The following UROC1 variants were observed in gnomAD, a reference collection of about 807,000 sequenced individuals.
UROC1 encodes urocanate hydratase.
A neutral mutation model predicts 89.5 loss-of-function variants in UROC1; 79 were observed. That is an observed-to-expected ratio of 0.88 (90% confidence interval 0.74 to 1.06). The LOEUF (loss-of-function observed/expected upper bound fraction) is 1.06, where lower values mean the gene tolerates loss of function less well. Among genes scored for constraint, UROC1 ranks in the 50% least tolerant of loss-of-function variants. The pLI is 0.00. For synonymous variants in UROC1, 361 were observed against 354.8 expected (o/e 1.02, Z -0.20); for missense variants, 885 against 907.8 (o/e 0.97, Z 0.32).
At chr3:126,498,245 C>T in intron 13 of UROC1, 73 bp from the exon 14 acceptor site, 1 of 1,610,976 alleles carries the variant, frequency 6.2e-7, no homozygotes, top group Non-Finnish European at 8.5e-7. Flanking sequence ...GTGAGCATGC[C>T]AGGGAGGAGG....
At chr3:126,509,370 A>T (rs1020591842) in intron 3 of UROC1, among the ~76,000 whole-genome samples, 1 of 152,172 alleles carries the variant, frequency 6.6e-6, no homozygotes, top group African/African-American at 2.4e-5. Context: ...TGTCCACTGC[A>T]GCCACAGTGA....
chr3:126,501,357 G>C (rs372215734), intron 9 of UROC1, 77 bp from the exon 10 acceptor site: 2 of 1,549,268 alleles, frequency 1.3e-6, no homozygotes, highest in African/African-American at 2.7e-5. Flanking sequence ...CACCCCAGCT[G>C]CACACAGGGG....
intron 13 of UROC1, 29 bp from the exon 14 acceptor site, chr3:126,498,201 G>A: frequency 6.2e-7 from 1 of 1,613,832 alleles, no homozygotes; most frequent in African/African-American, 1.3e-5. Flanking sequence ...CCTCACCCTG[G>A]GCCCGCTGGC....
In UROC1 at chr3:126,501,234, T is replaced by G. The variant is rs1212646798; in HGVS notation, c.949A>C (p.Asn317His). 1.2e-6 allele frequency: 2 copies of G among 1,614,048 alleles called. No individual in the cohort carries two copies. The highest frequency in any genetic ancestry group is 4.5e-5 in the East Asian group (2 of 44,892). ...CCCACTCACCAAAGAGCCACCACGTTGCCATGGTAACCAAGGCTGAGCACC... is the reference window on the plus strand; with the variant it reads ...CCCACTCACCAAAGAGCCACCACGTGGCCATGGTAACCAAGGCTGAGCACC... ...KEVLSLGYHG[N>H]VVALWERLVH... Residue 317 changes from asparagine (N) to histidine (H), a missense_variant, in exon 10 of 20, where the codon AAC becomes CAC. Physicochemically the swap from Asn to His is moderately conservative, Grantham distance 68. Transcript: ENST00000290868.
At chr3:126,495,723 C>G (rs1337729297) in intron 15 of UROC1, among the ~76,000 whole-genome samples, 1 of 152,202 alleles carries the variant, frequency 6.6e-6, no homozygotes, top group East Asian at 1.9e-4. Flanking sequence ...GCAGAAGCTT[C>G]CTCCTGATTT....
rs766325826 is a variant in UROC1, at chr3:126,482,389, T to C, written c.1987A>G (p.Lys663Glu). The C allele has an allele frequency of 6.2e-7, 1 of 1,613,798 alleles. No homozygotes were observed. The highest frequency in any genetic ancestry group is 1.1e-5 in the South Asian group (1 of 91,060). The change falls in exon 20 of 20, where the codon AAG (lysine) becomes GAG (glutamate). Residue 663 changes from lysine (K) to glutamate (E), a missense_variant. Coordinates refer to ENST00000290868, the MANE Select transcript of UROC1 (RefSeq NM_144639.3). ...TGGAGCACCCGCTCGTCCTCCACCT[T>C]GTGAGGCAGTGTCACCACCAAGGTG... ...NSTLVVTLPHKVEDERVLQQA... is the reference protein window; with the variant it reads ...NSTLVVTLPHEVEDERVLQQA...
rs369678801 is a variant in UROC1 at position 126,504,601 on chromosome 3, A to G, written c.814-518T>C. 7.9e-5 allele frequency among the ~76,000 whole-genome samples: 12 copies of G among 152,328 alleles called. No homozygotes were observed. In the East Asian group the frequency reaches 2.3e-3, roughly 29 times the overall value. The stretch of plus-strand genomic sequence containing the variant: ...TCATTGAGCTGCCAAACCAATGCCA[A>G]CACTGTTGGTTACGTGAGAAAAATA... On this transcript the variant is annotated intron_variant, in intron 8 of 19. Coordinates refer to ENST00000290868, the MANE Select transcript of UROC1 (RefSeq NM_144639.3).
At chr3:126,492,809 G>A (rs1935686330) in intron 15 of UROC1, among the ~76,000 whole-genome samples, 1 of 152,172 alleles carries the variant, frequency 6.6e-6, no homozygotes, top group Non-Finnish European at 1.5e-5. Context: ...GGGCCTTGGA[G>A]CCCCTGAGCC....
At chr3:126,512,186 C>T (rs1016242335) in intron 1 of UROC1, among the ~76,000 whole-genome samples, 1 of 152,238 alleles carries the variant, frequency 6.6e-6, no homozygotes, top group South Asian at 2.1e-4. Context: ...CCTGCCAAGG[C>T]CCTGCAACAG....
intron 1 of UROC1, 100 bp from the exon 2 acceptor site, chr3:126,510,894 T>A: frequency 2.0e-6 from 3 of 1,506,686 alleles, no homozygotes. Context: ...GATTTGTCTC[T>A]GCTCCACTCA....
rs143790470 is a variant in UROC1, at chr3:126,493,575, G to A, written c.1510-1059C>T. On this transcript the variant is annotated intron_variant, in intron 15 of 19. Coordinates refer to ENST00000290868, the MANE Select transcript of UROC1 (RefSeq NM_144639.3). ...ATGAGGTTGTTGAGTGCCAGGGGCC[G>A]TGGGAGTAGAATGGGGAGTTAGTGT... Among the ~76,000 whole-genome samples the A allele has an allele frequency of 2.6e-3, 403 of 152,324 alleles. 7 individuals carry two copies. The highest frequency in any genetic ancestry group is 0.021 in the East Asian group (107 of 5,182).
chr3:126,501,673 G>T, intron 9 of UROC1: 3 of 1,225,756 alleles, frequency 2.4e-6, no homozygotes, highest in Non-Finnish European at 3.4e-6. Flanking sequence ...AATAGGACAG[G>T]AAAAATCAAA....
intron 12 of UROC1, 116 bp from the exon 13 acceptor site, chr3:126,499,525 T>C: frequency 9.5e-7 from 1 of 1,055,968 alleles, no homozygotes; most frequent in Non-Finnish European, 1.4e-6. Flanking sequence ...AAGGTCTTTT[T>C]CATGTAAAAG....
intron 12 of UROC1, 56 bp from the exon 13 acceptor site, chr3:126,499,465 A>G: frequency 6.5e-7 from 1 of 1,542,818 alleles, no homozygotes; most frequent in Admixed American, 1.8e-5. Flanking sequence ...TGGCCACCCT[A>G]GATGGCAACT....
intron 3 of UROC1, among the ~76,000 whole-genome samples, chr3:126,509,275 A>G (rs1244217383): frequency 6.6e-6 from 1 of 151,418 alleles, no homozygotes; most frequent in Non-Finnish European, 1.5e-5. Context: ...AATATTTTTG[A>G]TATATCAGGA....
chr3:126,503,847 A>T, intron 9 of UROC1, 148 bp downstream of exon 9: 1 of 847,790 alleles, frequency 1.2e-6, no homozygotes, highest in Non-Finnish European at 2.0e-6. Flanking sequence ...ATGTATATGT[A>T]CATGTGCATG....
At position 126,499,355 on chromosome 3, in the gene UROC1, T is replaced by C. The variant is rs765456633; in HGVS notation, c.1298A>G (p.Tyr433Cys). 4.2e-5 allele frequency: 68 copies of C among 1,610,774 alleles called. No homozygotes were observed. Among genetic ancestry groups the C allele is most frequent in the Non-Finnish European group, 5.6e-5 (66 of 1,179,502 alleles). The change falls in exon 13 of 20, where the codon TAT becomes TGT. Residue 433 changes from tyrosine (Y) to cysteine (C), a missense_variant. Coordinates refer to ENST00000290868, the MANE Select transcript of UROC1 (RefSeq NM_144639.3). ...AGRTEFRYPS[Y>C]VQHIMGDIFS... ...CACTCACCCCATGATGTGCTGCACA[T>C]AGGAAGGGTAGCGGAACTCTGTCCT...
chr3:126,505,848 C>CACCGTG lies in UROC1; in HGVS notation c.670-5_670-4insCACGGT. ...GTGCAGCATTCAACACGGTGAGCTG[C>CACCGTG]AGGGAGAAGAGGTGGGGGCTCACTG... On this transcript the variant is annotated splice_polypyrimidine_tract_variant and splice_region_variant and intron_variant, in intron 7 of 19. Coordinates refer to ENST00000290868, the MANE Select transcript of UROC1 (RefSeq NM_144639.3). The CACCGTG allele has an allele frequency of 6.2e-7, 1 of 1,613,622 alleles. No individual in the cohort carries two copies. The highest frequency in any genetic ancestry group is 8.5e-7 in the Non-Finnish European group (1 of 1,180,004).
At chr3:126,516,932 A>G (rs1377172904) in intron 1 of UROC1, among the ~76,000 whole-genome samples, 2 of 151,796 alleles carry the variant, frequency 1.3e-5, no homozygotes, top group East Asian at 4.0e-4. Context: ...AGTAGTTTCC[A>G]GTAAAAAGTA....
Sources: gnomAD v4.1 joint callset for allele counts (sites outside exome capture counted in the v4.1 genomes callset) on GRCh38, gnomAD v4.1.1 for gene constraint, MANE v1.5 for transcripts, NCBI Gene and HGNC (gene_info 2026-07-23, HGNC 2026-07-21) for gene names.